The following ARCN1 variants were observed in gnomAD, a reference collection of about 807,000 sequenced individuals.
ARCN1 encodes the protein archain 1 coat protein complex I subunit delta.
ARCN1 carries 5 observed loss-of-function variants against 60.4 expected under a neutral mutation model. The observed-to-expected ratio is 0.08, with a 90% CI of 0.04 to 0.17. The LOEUF is 0.17. ARCN1 is among the 10% of genes least tolerant of loss of function. The probability of loss-of-function intolerance (pLI) is 1.00; values close to 1 mark genes in which losing one functional copy is unlikely to be tolerated. For missense variants in ARCN1, 464 were observed against 626.5 expected, an observed-to-expected ratio of 0.74 and a Z score of 2.77; for synonymous variants, 224 against 220.0, an observed-to-expected ratio of 1.02 and a Z score of -0.16.
intron 2 of ARCN1, among the ~76,000 whole-genome samples, chr11:118,582,460 C>CA (rs1184131134): frequency 6.6e-6 from 1 of 151,970 alleles, no homozygotes; most frequent in African/African-American, 2.4e-5. Context: ...CGTGGTGGCT[C>CA]ACGCTTGTAA....
intron 4 of ARCN1, 48 bp downstream of exon 4, chr11:118,584,062 T>C: frequency 6.5e-7 from 1 of 1,540,172 alleles, no homozygotes; most frequent in African/African-American, 1.4e-5. Context: ...TGTATATGTG[T>C]CTATCTTTGA....
chr11:118,590,046 G>C (rs896940963), intron 5 of ARCN1, among the ~76,000 whole-genome samples: 2 of 151,964 alleles, frequency 1.3e-5, no homozygotes, highest in African/African-American at 4.8e-5. Flanking sequence ...GCCCAGGCTG[G>C]AGTGCAGTGG....
chr11:118,590,359 A>G lies in ARCN1; in HGVS notation c.837A>G (p.Glu279=), dbSNP rs1938874869. The G allele has an allele frequency of 6.2e-7, 1 of 1,613,706 alleles. No homozygotes were observed. The highest frequency in any genetic ancestry group is 8.5e-7 in the Non-Finnish European group (1 of 1,179,670). ...TTTATAGTGTACATATGAAGATTGA[A>G]GAAAAGATAACATTAACCTGTGGAC... The part of the protein sequence containing the change: ...INMESVHMKI[E]EKITLTCGRD... The change falls in exon 6 of 10, where the codon GAA becomes GAG. Residue 279 remains glutamate (E), a synonymous_variant. Coordinates refer to ENST00000264028, the MANE Select transcript of ARCN1 (RefSeq NM_001655.5).
At chr11:118,580,733 G>A (rs1451338088) in intron 1 of ARCN1, among the ~76,000 whole-genome samples, 2 of 152,148 alleles carry the variant, frequency 1.3e-5, no homozygotes, top group Non-Finnish European at 2.9e-5. Flanking sequence ...ATGTTGGTCA[G>A]GCTGGTCTCG....
chr11:118,594,049 C>A (rs76930336), intron 8 of ARCN1: 6,284 of 169,940 alleles, frequency 0.037, 236 homozygotes, highest in Admixed American at 0.12. Context: ...TAGCATGGGC[C>A]CTGTGCAAGG....
rs1200772562 is a variant in ARCN1, at chr11:118,601,699, T to C, written c.*985T>C. 1.4e-6 allele frequency: 1 copy of C among 702,932 alleles called. No individual in the cohort carries two copies. Among genetic ancestry groups the C allele is most frequent in the Non-Finnish European group, 2.6e-6 (1 of 385,002 alleles). 43.5% of individuals were successfully genotyped at this position (702,932 alleles called of 1,614,324 possible). The stretch of plus-strand genomic sequence containing the variant: ...TCCTTCATCTCTTTGCCAAGTTGTT[T>C]TCCTTTCAGGGCCTGTCCTTCCAGT... On this transcript the variant is annotated 3_prime_UTR_variant, in exon 10 of 10. Coordinates refer to ENST00000264028, the MANE Select transcript of ARCN1 (RefSeq NM_001655.5).
chr11:118,578,860 A>C (rs1938582961), intron 1 of ARCN1, among the ~76,000 whole-genome samples: 1 of 137,932 alleles, frequency 7.2e-6, no homozygotes, highest in Admixed American at 7.6e-5. Flanking sequence ...GCAACATGGC[A>C]AAACCCCGTC....
Position 118,592,791 on chromosome 11 carries a change from A to C in ARCN1, c.1067A>C (p.Asn356Thr). 6.2e-7 allele frequency: 1 copy of C among 1,614,162 alleles called. No homozygotes were observed. The highest frequency in any genetic ancestry group is 1.1e-5 in the South Asian group (1 of 91,080). The change falls in exon 7 of 10, where the codon AAC becomes ACC. Residue 356 changes from asparagine to threonine, a missense_variant. By Grantham distance (65) the Asn-to-Thr change is moderately conservative. Coordinates refer to ENST00000264028, the MANE Select transcript of ARCN1 (RefSeq NM_001655.5). ...LKNPEKSFPV[N>T]SDVGVLKWRL... The stretch of plus-strand genomic sequence containing the variant: ...AATCCAGAGAAGTCATTTCCAGTCA[A>C]CAGTGACGTAGGGGTGCTAAAGTGG...
At position 118,572,410 on chromosome 11, in the gene ARCN1, T is replaced by C. The variant is rs1555072557; in HGVS notation, c.-138T>C. 2.0e-6 allele frequency: 1 copy of C among 490,402 alleles called. No homozygotes were observed. The highest frequency in any genetic ancestry group is 2.5e-5 in the African/African-American group (1 of 40,202). The allele number at this position is 490,402 out of a possible 1,614,324, so 30.4% of individuals were successfully genotyped here. A position where few individuals can be genotyped will look rare whatever the true frequency, so the allele number is the denominator to read the frequency against. On this transcript the variant is annotated 5_prime_UTR_variant, in exon 1 of 10. Coordinates refer to ENST00000264028, the MANE Select transcript of ARCN1 (RefSeq NM_001655.5). ...TTGAAGACGTGGCTTGGGGCCGCCA[T>C]CTTGGCAAGAGGCGAAGCGGCAGCG...
chr11:118,600,016 G>T (rs1045919118), intron 9 of ARCN1, among the ~76,000 whole-genome samples: 1 of 152,230 alleles, frequency 6.6e-6, no homozygotes, highest in Admixed American at 6.5e-5. Flanking sequence ...GCTATTCAAA[G>T]ATTAGGACAT....
intron 9 of ARCN1, among the ~76,000 whole-genome samples, chr11:118,599,086 G>T (rs1415644439): frequency 3.4e-5 from 5 of 147,936 alleles, no homozygotes; most frequent in Non-Finnish European, 7.5e-5. Flanking sequence ...GAACTACCAC[G>T]CCTGGCGGAT....
At position 118,601,418 on chromosome 11, in the gene ARCN1, AGTTT is replaced by A. The variant is rs1381892110; in HGVS notation, c.*709_*712del. The A allele has an allele frequency of 1.8e-5, 11 of 596,636 alleles. No homozygotes were observed. Among genetic ancestry groups the A allele is most frequent in the Admixed American group, 5.9e-5 (2 of 34,174 alleles). 37.0% of individuals were successfully genotyped at this position (596,636 alleles called of 1,614,324 possible). A position where few individuals can be genotyped will look rare whatever the true frequency, so the allele number is the denominator to read the frequency against. The stretch of plus-strand genomic sequence containing the variant: ...CTAAATATAGTTATATTTCATACTT[AGTTT>A]GTTTTTAAAAAGTTTTCTCTGTAGA... On this transcript the variant is annotated 3_prime_UTR_variant, in exon 10 of 10. Coordinates refer to ENST00000264028, the MANE Select transcript of ARCN1 (RefSeq NM_001655.5).
chr11:118,602,448 C>T lies in ARCN1; in HGVS notation c.*1734C>T, dbSNP rs1339361695. On this transcript the variant is annotated 3_prime_UTR_variant, in exon 10 of 10. Transcript: ENST00000264028. The stretch of plus-strand genomic sequence containing the variant: ...TGGGAAGAGGCAGACGACTAGATGA[C>T]TTCTGCACTTTTAGCTGGTTGAAAA... 6.5e-6 allele frequency: 1 copy of T among 153,830 alleles called. No individual in the cohort carries two copies. Among genetic ancestry groups the T allele is most frequent in the African/African-American group, 2.4e-5 (1 of 41,444 alleles). 9.5% of individuals were successfully genotyped at this position (153,830 alleles called of 1,614,324 possible). A position where few individuals can be genotyped will look rare whatever the true frequency, so the allele number is the denominator to read the frequency against.
At chr11:118,599,631 T>G (rs187941092) in intron 9 of ARCN1, among the ~76,000 whole-genome samples, 141 of 152,176 alleles carry the variant, frequency 9.3e-4, no homozygotes, top group African/African-American at 3.2e-3. Context: ...GGTTTCACCA[T>G]GTTGGCCAGG....
At chr11:118,584,459 A>G in intron 4 of ARCN1, 21 bp from the exon 5 acceptor site, 1 of 1,593,324 alleles carries the variant, frequency 6.3e-7, no homozygotes, top group Non-Finnish European at 8.5e-7. Flanking sequence ...TGGGTAATGA[A>G]TTTCAAATTC....
chr11:118,583,902 C>T lies in ARCN1; in HGVS notation c.541C>T (p.Pro181Ser). 6.2e-7 allele frequency: 1 copy of T among 1,614,198 alleles called. No homozygotes were observed. Among genetic ancestry groups the T allele is most frequent in the Non-Finnish European group, 8.5e-7 (1 of 1,180,036 alleles). The change falls in exon 4 of 10, where the codon CCA becomes TCA. Residue 181 changes from proline to serine, a missense_variant. Physicochemically the swap from Pro to Ser is moderately conservative, Grantham distance 74. Coordinates refer to ENST00000264028, the MANE Select transcript of ARCN1 (RefSeq NM_001655.5). ...TGCAGAGAGACAGGGCAAAAAAGCACCAGGATTTGGCGGATTTGGCAGCTC... is the reference window on the plus strand; with the variant it reads ...TGCAGAGAGACAGGGCAAAAAAGCATCAGGATTTGGCGGATTTGGCAGCTC... ...RDAERQGKKA[P>S]GFGGFGSSAV...
rs781917550 is a variant in ARCN1, at chr11:118,593,748, T to C, written c.1241+50T>C. 4 of 1,311,636 alleles carry C rather than the reference T, an allele frequency of 3.0e-6. No individual in the cohort carries two copies. The African/African-American group carries it at 4.4e-5, about 14-fold the overall frequency. The allele number at this position is 1,311,636 out of a possible 1,614,324, so 81.2% of individuals were successfully genotyped here. On this transcript the variant is annotated intron_variant, in intron 8 of 9. Transcript: ENST00000264028. ...ACGGTGGACTTAGAGAACTGGTCTT[T>C]TGGAACTCATTTTGGAGTCAGCACC...
Position 118,583,848 on chromosome 11 carries a change from G to A in ARCN1, c.487G>A (p.Ala163Thr). 1.2e-6 allele frequency: 2 copies of A among 1,614,224 alleles called. No homozygotes were observed. The highest frequency in any genetic ancestry group is 1.7e-6 in the Non-Finnish European group (2 of 1,180,048). Reference protein sequence around the residue: ...REAKAEMRRKAKELQQARRDA... With the variant: ...REAKAEMRRKTKELQQARRDA... Reference sequence around the variant, plus strand: ...AGCTAAGGCTGAGATGCGTCGTAAAGCAAAGGAATTACAACAGGCCCGAAG... The same window carrying A: ...AGCTAAGGCTGAGATGCGTCGTAAAACAAAGGAATTACAACAGGCCCGAAG... The change falls in exon 4 of 10, where the codon GCA becomes ACA. Residue 163 changes from alanine to threonine, a missense_variant. By Grantham distance (58) the Ala-to-Thr change is moderately conservative. This residue lies in a region of ARCN1 where 359 missense variants were observed against 440.2 expected (regional missense o/e 0.82). Transcript: ENST00000264028.
At chr11:118,592,879 A>G (rs1555076553) in intron 7 of ARCN1, 23 bp downstream of exon 7, 18 of 1,603,864 alleles carry the variant, frequency 1.1e-5, no homozygotes, top group Middle Eastern at 3.3e-4. Context: ...GGCCAGTCCC[A>G]CTAAGCTAGT....
Sources: gnomAD v4.1 joint callset for allele counts (sites outside exome capture counted in the v4.1 genomes callset) on GRCh38, gnomAD v4.1.1 for gene constraint, gnomAD v4.1.1 regional missense constraint, MANE v1.5 for transcripts, NCBI Gene and HGNC (gene_info 2026-07-23, HGNC 2026-07-21) for gene names.